Variants in KCNU1 observed in about 807,000 individuals in gnomAD.
KCNU1 encodes the protein potassium channel subfamily U member 1.
A neutral mutation model predicts 126.8 loss-of-function variants in KCNU1; 93 were observed. The observed-to-expected ratio is 0.73, with a 90% CI of 0.62 to 0.87. KCNU1 has a LOEUF of 0.87. KCNU1 is among the 40% of genes least tolerant of loss of function. The pLI, the probability that KCNU1 is intolerant of heterozygous loss-of-function variation, is 0.00. For synonymous variants in KCNU1, 523 were observed against 494.2 expected (o/e 1.06, Z -0.77); for missense variants, 1,330 against 1,367.1 (o/e 0.97, Z 0.43).
intron 22 of KCNU1, among the ~76,000 whole-genome samples, chr8:36,917,601 A>T (rs574468966): frequency 2.7e-4 from 41 of 151,926 alleles, no homozygotes; most frequent in African/African-American, 9.2e-4. Flanking sequence ...AGCAGTCCTC[A>T]CATGTCAGCC....
In KCNU1 at chr8:36,840,971, C is replaced by T. The variant is rs552011557; in HGVS notation, c.1671C>T (p.Ile557=). The T allele has an allele frequency of 1.8e-5, 29 of 1,611,466 alleles. No homozygotes were observed. The highest frequency in any genetic ancestry group is 8.9e-5 in the East Asian group (4 of 44,782). Residue 557 remains isoleucine, a synonymous_variant, in exon 16 of 27, where the codon ATC becomes ATT. Coordinates refer to ENST00000399881, the MANE Select transcript of KCNU1 (RefSeq NM_001031836.3). ...FLKMHLLLIA[I]EYKSLFTDGF... ...AGATGCACCTCCTGTTGATAGCCAT[C>T]GAATACAAGTCCCTCTTTACGGATG...
intron 16 of KCNU1, among the ~76,000 whole-genome samples, chr8:36,841,900 A>G (rs1313240038): frequency 6.6e-6 from 1 of 152,188 alleles, no homozygotes; most frequent in African/African-American, 2.4e-5. Context: ...GAGCAAATGA[A>G]ATATACATAA....
chr8:36,929,164 T>C, intron 24 of KCNU1: 2 of 548,038 alleles, frequency 3.6e-6, no homozygotes, highest in South Asian at 4.5e-5. Context: ...GGTGGATCTC[T>C]TGAGGTCAGG....
At chr8:36,842,878 G>T (rs1343118778) in intron 16 of KCNU1, among the ~76,000 whole-genome samples, 1 of 151,950 alleles carries the variant, frequency 6.6e-6, no homozygotes, top group Admixed American at 6.6e-5. Context: ...CCATGTTGGT[G>T]CTCTCAAACT....
intron 7 of KCNU1, among the ~76,000 whole-genome samples, chr8:36,809,747 G>A (rs1245008795): frequency 1.3e-5 from 2 of 152,154 alleles, no homozygotes; most frequent in Admixed American, 6.5e-5. Flanking sequence ...AAACCTCGTG[G>A]CCACCACAGG....
At chr8:36,884,149 G>A (rs1464872753) in intron 19 of KCNU1, among the ~76,000 whole-genome samples, 1 of 152,118 alleles carries the variant, frequency 6.6e-6, no homozygotes, top group Non-Finnish European at 1.5e-5. Flanking sequence ...CATGACTAAT[G>A]GAGTGAGTTC....
chr8:36,872,647 A>G (rs1806144426), intron 19 of KCNU1, among the ~76,000 whole-genome samples: 1 of 152,208 alleles, frequency 6.6e-6, no homozygotes, highest in Non-Finnish European at 1.5e-5. Flanking sequence ...TAAGCCTTCA[A>G]TAAATGCTAG....
At chr8:36,929,868 G>A (rs887689270) in intron 24 of KCNU1, among the ~76,000 whole-genome samples, 1 of 152,066 alleles carries the variant, frequency 6.6e-6, no homozygotes, top group Non-Finnish European at 1.5e-5. Flanking sequence ...TGTGTTTCTG[G>A]GAATTGCTGT....
rs77307039 is a variant in KCNU1, at chr8:36,786,386, T to C, written c.196-920T>C. Among the ~76,000 whole-genome samples, 385 of 152,322 alleles carry C rather than the reference T, an allele frequency of 2.5e-3. 3 individuals are homozygous for C. Among genetic ancestry groups the C allele is most frequent in the African/African-American group, 8.9e-3 (370 of 41,566 alleles). ...CATTTAGAAACCGACATGAGTCATGTTTATTAGAGGGCAAATCATTGATCA... is the reference window on the plus strand; with the variant it reads ...CATTTAGAAACCGACATGAGTCATGCTTATTAGAGGGCAAATCATTGATCA... On this transcript the variant is annotated intron_variant, in intron 1 of 26. Coordinates refer to ENST00000399881, the MANE Select transcript of KCNU1 (RefSeq NM_001031836.3).
At chr8:36,791,196 T>C (rs1802889399) in intron 2 of KCNU1, among the ~76,000 whole-genome samples, 1 of 152,150 alleles carries the variant, frequency 6.6e-6, no homozygotes, top group Non-Finnish European at 1.5e-5. Flanking sequence ...TTAGTGCATC[T>C]ATGGGTTAGG....
intron 24 of KCNU1, among the ~76,000 whole-genome samples, chr8:36,926,069 AT>A (rs1165652409): frequency 1.3e-5 from 2 of 152,170 alleles, no homozygotes; most frequent in Admixed American, 1.3e-4. Flanking sequence ...AATCATAGCT[AT>A]TGATCTTAAG....
intron 19 of KCNU1, among the ~76,000 whole-genome samples, chr8:36,882,616 T>C (rs1176541495): frequency 6.6e-6 from 1 of 151,964 alleles, no homozygotes; most frequent in Non-Finnish European, 1.5e-5. Flanking sequence ...GGAGTTTTGC[T>C]CTTGTTGCCC....
At chr8:36,798,352 C>A (rs539457923) in intron 2 of KCNU1, among the ~76,000 whole-genome samples, 11 of 152,190 alleles carry the variant, frequency 7.2e-5, no homozygotes, top group African/African-American at 2.4e-4. Flanking sequence ...TAACATTATG[C>A]CAGAAGAAGA....
intron 2 of KCNU1, among the ~76,000 whole-genome samples, chr8:36,791,323 C>T (rs1009843932): frequency 2.6e-5 from 4 of 152,266 alleles, no homozygotes; most frequent in African/African-American, 9.6e-5. Context: ...TTGTTAATTA[C>T]ATAACTGACT....
chr8:36,928,936 TTAA>T, intron 24 of KCNU1: 1 of 682,438 alleles, frequency 1.5e-6, no homozygotes, highest in Non-Finnish European at 2.7e-6. Flanking sequence ...TCTACACTCA[TTAA>T]TATCACTTCA....
chr8:36,792,134 A>C (rs1802925589), intron 2 of KCNU1, among the ~76,000 whole-genome samples: 1 of 152,204 alleles, frequency 6.6e-6, no homozygotes, highest in South Asian at 2.1e-4. Context: ...GTATTTTAAA[A>C]GTACAAAGTA....
At chr8:36,935,173 A>G (rs75175765) in intron 26 of KCNU1, among the ~76,000 whole-genome samples, 3,554 of 152,128 alleles carry the variant, frequency 0.023, 147 homozygotes, top group African/African-American at 0.081. Context: ...ACATCAACCA[A>G]TCCAAATCAC....
chr8:36,871,410 TAG>T (rs141894674), intron 19 of KCNU1, among the ~76,000 whole-genome samples: 23 of 147,918 alleles, frequency 1.6e-4, no homozygotes, highest in Non-Finnish European at 2.4e-4. Flanking sequence ...TATATATACA[TAG>T]AGAGAGAGAG....
At chr8:36,787,156 T>C (rs576117134) in intron 1 of KCNU1, 150 bp from the exon 2 acceptor site, 7 of 577,200 alleles carry the variant, frequency 1.2e-5, no homozygotes, top group African/African-American at 3.9e-5. Flanking sequence ...TTATGAAATA[T>C]TGAATAAGCA....
Sources: gnomAD v4.1 joint callset for allele counts (sites outside exome capture counted in the v4.1 genomes callset) on GRCh38, gnomAD v4.1.1 for gene constraint, MANE v1.5 for transcripts, NCBI Gene and HGNC (gene_info 2026-07-23, HGNC 2026-07-21) for gene names.